Variants in LEPR observed in about 807,000 individuals in gnomAD.
The protein encoded by LEPR is leptin receptor.
LEPR carries 56 observed loss-of-function variants against 114.7 expected under a neutral mutation model. That is an observed-to-expected ratio of 0.49 (90% CI 0.39 to 0.61). The LOEUF (loss-of-function observed/expected upper bound fraction) is 0.61, where lower values mean the gene tolerates loss of function less well. Among genes scored for constraint, LEPR ranks in the 20% least tolerant of loss-of-function variants. LEPR has a pLI of 0.00. For synonymous variants in LEPR, 443 were observed against 461.4 expected (o/e 0.96, Z 0.51); for missense variants, 1,202 against 1,352.9 (o/e 0.89, Z 1.75).
At chr1:65,552,876 G>A (rs2802470) in intron 2 of LEPR, among the ~76,000 whole-genome samples, 94,335 of 151,900 alleles carry the variant, frequency 0.62, 30,247 homozygotes, top group Middle Eastern at 0.74. Flanking sequence ...TCCATGTTTA[G>A]TGCTTCCTTC....
intron 5 of LEPR, among the ~76,000 whole-genome samples, chr1:65,584,862 G>C (rs1195690388): frequency 6.6e-6 from 1 of 151,816 alleles, no homozygotes. Context: ...TCTCTTTGTT[G>C]ATTTTCCATT....
intron 2 of LEPR, among the ~76,000 whole-genome samples, chr1:65,475,173 C>G (rs1178795708): frequency 2.0e-5 from 3 of 151,882 alleles, no homozygotes; most frequent in Non-Finnish European, 4.4e-5. Context: ...AAGAACATTA[C>G]TGAATTACAA....
At chr1:65,604,329 T>TTTTAA (rs1303764035) in intron 10 of LEPR, among the ~76,000 whole-genome samples, 1 of 152,098 alleles carries the variant, frequency 6.6e-6, no homozygotes, top group Non-Finnish European at 1.5e-5. Context: ...ATTTTATTTA[T>TTTTAA]TTTAATTTAA....
chr1:65,610,044 A>G lies in LEPR; in HGVS notation c.1850A>G (p.Asp617Gly). Residue 617 changes from aspartate to glycine, a missense_variant, in exon 13 of 20, where the codon GAT (aspartate) becomes GGT (glycine). Physicochemically the swap from Asp to Gly is moderately conservative, Grantham distance 94. Coordinates refer to ENST00000349533, the MANE Select transcript of LEPR (RefSeq NM_002303.6). ...GTTCAGGTGCGCTGTAAGAGGCTAG[A>G]TGGACTGGGATATTGGAGTAATTGG... ...YAVQVRCKRL[D>G]GLGYWSNWSN... 6.2e-7 allele frequency: 1 copy of G among 1,614,218 alleles called. No homozygotes were observed. The highest frequency in any genetic ancestry group is 8.5e-7 in the Non-Finnish European group (1 of 1,180,020).
At chr1:65,433,261 C>A in intron 2 of LEPR, 14 of 985,424 alleles carry the variant, frequency 1.4e-5, no homozygotes, top group Non-Finnish European at 1.7e-5. Flanking sequence ...TGTAAGCACG[C>A]AGTGGGTGAA....
intron 3 of LEPR, 133 bp downstream of exon 3, chr1:65,565,738 T>C: frequency 8.2e-7 from 1 of 1,215,644 alleles, no homozygotes; most frequent in Non-Finnish European, 1.2e-6. Flanking sequence ...ATGCTTATGA[T>C]TAAAAATGCA....
At chr1:65,452,786 G>A (rs535858510) in intron 2 of LEPR, among the ~76,000 whole-genome samples, 285 of 152,048 alleles carry the variant, frequency 1.9e-3, no homozygotes, top group African/African-American at 6.5e-3. Context: ...GGATGATGCT[G>A]GCCTCATAAA....
In LEPR at chr1:65,421,865, GA is replaced by G. The variant is rs1247712543; in HGVS notation, c.-97+1133del. On this transcript the variant is annotated intron_variant, in intron 1 of 19. Transcript: ENST00000349533. ...ATGTGTTAGAAAATTGTGATGTAGT[GA>G]AAAAAAAGGAAGTCTGAAATGGAAA... 1.8e-4 allele frequency among the ~76,000 whole-genome samples: 28 copies of G among 151,838 alleles called. No homozygotes were observed. In the East Asian group the frequency reaches 3.9e-3, roughly 21 times the overall value.
intron 8 of LEPR, among the ~76,000 whole-genome samples, chr1:65,600,094 C>T (rs1656343764): frequency 6.6e-6 from 1 of 152,032 alleles, no homozygotes; most frequent in South Asian, 2.1e-4. Context: ...AAAACTTCAG[C>T]TTAATCCATG....
At chr1:65,427,064 G>A (rs1344186184) in intron 2 of LEPR, among the ~76,000 whole-genome samples, 2 of 151,898 alleles carry the variant, frequency 1.3e-5, no homozygotes, top group Non-Finnish European at 1.5e-5. Flanking sequence ...TGACAGTGAT[G>A]AATTCAAATC....
intron 2 of LEPR, among the ~76,000 whole-genome samples, chr1:65,451,086 T>G (rs1646778554): frequency 6.6e-6 from 1 of 152,040 alleles, no homozygotes; most frequent in South Asian, 2.1e-4. Flanking sequence ...TTTTGAGAAG[T>G]GTCTGTTCAT....
rs55672943 is a variant in LEPR, at chr1:65,518,873, T to TTTTCTTTCTTTCTTTCTTTCTTTC, written c.-20-46651_-20-46628dup. ...TTTTCTCTTTTCTTTCTTTCTTTCT[T>TTTTCTTTCTTTCTTTCTTTCTTTC]TTTCTTTCTTTCTTTCTTTCTTTCT... On this transcript the variant is annotated intron_variant, in intron 2 of 19. Coordinates refer to ENST00000349533, the MANE Select transcript of LEPR (RefSeq NM_002303.6). Among the ~76,000 whole-genome samples the TTTTCTTTCTTTCTTTCTTTCTTTC allele has an allele frequency of 1.1e-3, 124 of 117,318 alleles. 1 individual carries two copies. Among genetic ancestry groups the TTTTCTTTCTTTCTTTCTTTCTTTC allele is most frequent in the East Asian group, 3.7e-3 (16 of 4,356 alleles). The allele number at this position is 117,318 out of a possible 152,430, so 77.0% of individuals were successfully genotyped here.
At chr1:65,469,462 G>A (rs1647056445) in intron 2 of LEPR, among the ~76,000 whole-genome samples, 2 of 152,210 alleles carry the variant, frequency 1.3e-5, no homozygotes, top group Non-Finnish European at 2.9e-5. Flanking sequence ...AGCCAGATAA[G>A]GATGGGCCTG....
intron 5 of LEPR, among the ~76,000 whole-genome samples, chr1:65,586,148 T>TAC (rs1378509030): frequency 6.6e-6 from 1 of 151,960 alleles, no homozygotes; most frequent in Non-Finnish European, 1.5e-5. Context: ...ACGTTGGGTG[T>TAC]AATGAAATGA....
At chr1:65,573,634 T>C (rs11208674) in intron 5 of LEPR, among the ~76,000 whole-genome samples, 45,540 of 152,056 alleles carry the variant, frequency 0.3, 7,731 homozygotes, top group East Asian at 0.83. Context: ...TTCTATTTGA[T>C]GCTTAAAGTC....
chr1:65,439,933 G>A (rs1257407998), intron 2 of LEPR, among the ~76,000 whole-genome samples: 12 of 148,976 alleles, frequency 8.1e-5, no homozygotes, highest in South Asian at 2.1e-4. Flanking sequence ...ACCCGGAGGC[G>A]GAGGTTGCAG....
intron 14 of LEPR, among the ~76,000 whole-genome samples, chr1:65,610,854 T>C (rs1239916923): frequency 6.6e-6 from 1 of 152,220 alleles, no homozygotes; most frequent in Non-Finnish European, 1.5e-5. Context: ...ATGCCAAATT[T>C]AAGATTGACT....
intron 2 of LEPR, among the ~76,000 whole-genome samples, chr1:65,564,875 T>A (rs1381817841): frequency 6.6e-6 from 1 of 152,212 alleles, no homozygotes; most frequent in African/African-American, 2.4e-5. Context: ...TATGACATAG[T>A]AGTACAAATA....
intron 2 of LEPR, among the ~76,000 whole-genome samples, chr1:65,557,747 A>G (rs1652925771): frequency 6.6e-6 from 1 of 152,118 alleles, no homozygotes; most frequent in African/African-American, 2.4e-5. Flanking sequence ...TGTGTTTTAA[A>G]AAACTTCTTT....
Sources: allele counts gnomAD v4.1 joint callset (sites outside exome capture counted in the v4.1 genomes callset), GRCh38; gene constraint gnomAD v4.1.1; transcripts MANE v1.5; gene names NCBI Gene and HGNC (gene_info 2026-07-23, HGNC 2026-07-21).